UTP20: variants seen among roughly 807,000 people sequenced by gnomAD.
UTP20 encodes the protein small subunit processome component 20 homolog.
A neutral mutation model predicts 329.5 loss-of-function variants in UTP20; 164 were observed. That is an observed-to-expected ratio of 0.50 (90% CI 0.44 to 0.57). The LOEUF (loss-of-function observed/expected upper bound fraction) is 0.57. Among genes scored for constraint, UTP20 ranks in the 20% least tolerant of loss-of-function variants. The pLI is 0.00. For synonymous variants in UTP20, 1,151 were observed against 1,159.3 expected (o/e 0.99, Z 0.14); for missense variants, 3,055 against 3,284.2 (o/e 0.93, Z 1.71).
chr12:101,323,450 G>A (rs952053858), intron 25 of UTP20, among the ~76,000 whole-genome samples: 1 of 152,114 alleles, frequency 6.6e-6, no homozygotes, highest in African/African-American at 2.4e-5. Context: ...CCAGCAGTAG[G>A]ATGCCTGTTT....
At position 101,350,729 on chromosome 12, in the gene UTP20, T is replaced by G. The variant is rs576860073; in HGVS notation, c.4885-1326T>G. 2.6e-5 allele frequency among the ~76,000 whole-genome samples: 4 copies of G among 152,310 alleles called. No homozygotes were observed. In the South Asian group the frequency reaches 8.3e-4, roughly 32 times the overall value. ...GCATGAGGCATTTCACTCTGGCTGA[T>G]AGGACTGTGAACTAGCCTCAACCTT... is the stretch of plus-strand genomic sequence containing the variant. On this transcript the variant is annotated intron_variant, in intron 38 of 61. Coordinates refer to ENST00000261637, the MANE Select transcript of UTP20 (RefSeq NM_014503.3).
At position 101,382,588 on chromosome 12, in the gene UTP20, C is replaced by A. The variant is rs148309138; in HGVS notation, c.7657-453C>A. Among the ~76,000 whole-genome samples, 33 of 152,170 alleles carry A rather than the reference C, an allele frequency of 2.2e-4. No homozygotes were observed. In the East Asian group the frequency reaches 6.2e-3, roughly 29 times the overall value. ...ATGATCTAGGCCAGGCACGGTGGCT[C>A]ACACCTGTAATCGCATCACTTTGGG... On this transcript the variant is annotated intron_variant, in intron 58 of 61. Coordinates refer to ENST00000261637, the MANE Select transcript of UTP20 (RefSeq NM_014503.3).
intron 56 of UTP20, 47 bp from the exon 57 acceptor site, chr12:101,379,324 A>T: frequency 6.7e-7 from 1 of 1,500,074 alleles, no homozygotes; most frequent in East Asian, 2.3e-5. Flanking sequence ...TTTACCTCTA[A>T]TCAGGAAGGC....
intron 28 of UTP20, among the ~76,000 whole-genome samples, 180 bp downstream of exon 28, chr12:101,333,624 A>T (rs1427142060): frequency 4.6e-5 from 7 of 152,202 alleles, no homozygotes; most frequent in Non-Finnish European, 1.0e-4. Context: ...CTAAAACTCA[A>T]GAGTTAGTTT....
chr12:101,312,016 G>T lies in UTP20; in HGVS notation c.2312-20G>T. On this transcript the variant is annotated intron_variant, in intron 20 of 61. Transcript: ENST00000261637. Reference sequence around the variant, plus strand: ...ATGTTGATATTTGTCTGGTGGTTATGACAACTTTCTTTCTTGCAGAGAAGG... The same window carrying T: ...ATGTTGATATTTGTCTGGTGGTTATTACAACTTTCTTTCTTGCAGAGAAGG... 6.2e-7 allele frequency: 1 copy of T among 1,613,750 alleles called. No individual in the cohort carries two copies. Among genetic ancestry groups the T allele is most frequent in the South Asian group, 1.1e-5 (1 of 90,996 alleles).
At chr12:101,333,856 G>GT (rs1254076512) in intron 28 of UTP20, among the ~76,000 whole-genome samples, 2 of 152,198 alleles carry the variant, frequency 1.3e-5, no homozygotes, top group East Asian at 3.9e-4. Flanking sequence ...TAGAGATGGA[G>GT]TTTCGCCATG....
At chr12:101,384,150 T>C (rs1870750780) in intron 60 of UTP20, among the ~76,000 whole-genome samples, 1 of 152,192 alleles carries the variant, frequency 6.6e-6, no homozygotes, top group African/African-American at 2.4e-5. Flanking sequence ...ATCCTCAACA[T>C]AGATTAAATA....
intron 2 of UTP20, among the ~76,000 whole-genome samples, chr12:101,283,552 G>A (rs1336460980): frequency 6.6e-6 from 1 of 152,186 alleles, no homozygotes; most frequent in Non-Finnish European, 1.5e-5. Flanking sequence ...GCAAAAGGAC[G>A]TGACATGGTC....
In UTP20 at chr12:101,340,578, C is replaced by T. The variant is rs1325262697; in HGVS notation, c.4069C>T (p.Leu1357Phe). ...EQSSVLITLL[L>F]PFLHRGNIAE... is the part of the protein sequence containing the mutation. The stretch of plus-strand genomic sequence containing the variant: ...AAGTTCTGTACTCATTACGCTTCTC[C>T]TTCCATTCCTCCACCGTGGCAATAT... Residue 1357 changes from leucine to phenylalanine, a missense_variant, in exon 32 of 62, where the codon CTT becomes TTT. By Grantham distance (22) the Leu-to-Phe change is conservative (BLOSUM62 0). Transcript: ENST00000261637. The T allele has an allele frequency of 6.2e-7, 1 of 1,611,910 alleles. No homozygotes were observed. Among genetic ancestry groups the T allele is most frequent in the Non-Finnish European group, 8.5e-7 (1 of 1,179,112 alleles).
At chr12:101,378,012 A>G (rs757475939) in intron 56 of UTP20, among the ~76,000 whole-genome samples, 30 of 151,946 alleles carry the variant, frequency 2.0e-4, no homozygotes, top group Non-Finnish European at 3.4e-4. Flanking sequence ...GCTTAAGCTC[A>G]GGAGTTCGAG....
chr12:101,345,637 A>C lies in UTP20; in HGVS notation c.4689A>C (p.Gln1563His). Residue 1563 changes from glutamine (Q) to histidine (H), a missense_variant, in exon 37 of 62, where the codon CAA becomes CAC. Physicochemically the swap from Gln to His is conservative, Grantham distance 24. Around this residue, in one of 3 missense-constraint regions of UTP20, gnomAD observed 2,445 missense variants for 2,575.5 expected, o/e 0.95. Transcript: ENST00000261637. ...PNQLEFKDLV[Q>H]LTHYHDPEMD... ...AACTGGAATTCAAAGACTTGGTACA[A>C]CTTACTCATTACCATGACCCAGAAA... is the stretch of plus-strand genomic sequence containing the variant. 2 of 1,613,264 alleles carry C rather than the reference A, an allele frequency of 1.2e-6. No homozygotes were observed. The highest frequency in any genetic ancestry group is 1.7e-6 in the Non-Finnish European group (2 of 1,179,628).
At chr12:101,297,764 G>T (rs1872404929) in intron 12 of UTP20, among the ~76,000 whole-genome samples, 1 of 152,196 alleles carries the variant, frequency 6.6e-6, no homozygotes, top group African/African-American at 2.4e-5. Flanking sequence ...GAGTGAAGCT[G>T]CTTTGTTGTT....
chr12:101,321,720 A>G, intron 25 of UTP20, 91 bp downstream of exon 25: 1 of 1,440,262 alleles, frequency 6.9e-7, no homozygotes, highest in Non-Finnish European at 9.3e-7. Context: ...CAACTGTAAT[A>G]GAATATTTCA....
rs1367651709 is a variant in UTP20, at chr12:101,386,196, G to A, written c.*73G>A. The A allele has an allele frequency of 4.8e-6, 7 of 1,459,568 alleles. No homozygotes were observed. The African/African-American group carries it at 1.0e-4, about 21-fold the overall frequency. The allele number at this position is 1,459,568 out of a possible 1,614,324, so 90.4% of individuals were successfully genotyped here. A position where few individuals can be genotyped will look rare whatever the true frequency, so the allele number is the denominator to read the frequency against. On this transcript the variant is annotated 3_prime_UTR_variant, in exon 62 of 62. Coordinates refer to ENST00000261637, the MANE Select transcript of UTP20 (RefSeq NM_014503.3). ...AGTCTGAAATTACAGTAGGTTGTCT[G>A]GGGTAGGGGGGAGGCGTTTTTTTTT...
intron 17 of UTP20, 113 bp downstream of exon 17, chr12:101,306,874 G>T: frequency 8.9e-7 from 1 of 1,123,848 alleles, no homozygotes; most frequent in Non-Finnish European, 1.2e-6. Flanking sequence ...AATATCTGTC[G>T]TAAAAATTGA....
chr12:101,317,412 GAA>G, intron 21 of UTP20, 64 bp from the exon 22 acceptor site: 2 of 1,547,604 alleles, frequency 1.3e-6, no homozygotes, highest in Non-Finnish European at 1.8e-6. Context: ...CTCATGAACA[GAA>G]TCAGCACCTT....
In UTP20 at chr12:101,312,256, G is replaced by T. The variant is rs768715409; in HGVS notation, c.2532G>T (p.Pro844=). ...AGCCACGGTCCAGGGAGCTTTCCCC[G>T]CTTTTCTTGAGATTTATCAAGTAAG... ...RVEPRSRELS[P]LFLRFINNEY... The change falls in exon 21 of 62, where the codon CCG becomes CCT. Residue 844 remains proline (P), a synonymous_variant. Coordinates refer to ENST00000261637, the MANE Select transcript of UTP20 (RefSeq NM_014503.3). 1.9e-6 allele frequency: 3 copies of T among 1,613,866 alleles called. No homozygotes were observed. Among genetic ancestry groups the T allele is most frequent in the Admixed American group, 3.3e-5 (2 of 59,956 alleles).
rs770923470 is a variant in UTP20 at position 101,290,216 on chromosome 12, A to G, written c.677A>G (p.Gln226Arg). 15 of 1,608,758 alleles carry G rather than the reference A, an allele frequency of 9.3e-6. No individual in the cohort carries two copies. Among genetic ancestry groups the G allele is most frequent in the Non-Finnish European group, 1.3e-5 (15 of 1,177,422 alleles). The change falls in exon 7 of 62, where the codon CAG becomes CGG. Residue 226 changes from glutamine (Q) to arginine (R), a missense_variant. By Grantham distance (43) the Gln-to-Arg change is conservative (BLOSUM62 1). Coordinates refer to ENST00000261637, the MANE Select transcript of UTP20 (RefSeq NM_014503.3). The part of the protein sequence containing the change: ...KHPEKVEGVG[Q>R]LLFEMCKGVR... Reference sequence around the variant, plus strand: ...CCAGAAAAAGTTGAAGGTGTTGGACAGTTGCTCTTTGAAATGTGCAAAGGA... The same window carrying G: ...CCAGAAAAAGTTGAAGGTGTTGGACGGTTGCTCTTTGAAATGTGCAAAGGA...
At position 101,306,020 on chromosome 12, in the gene UTP20, A is replaced by G; in HGVS notation, c.1887A>G (p.Glu629=). 1 of 1,613,710 alleles carries G rather than the reference A, an allele frequency of 6.2e-7. No homozygotes were observed. Among genetic ancestry groups the G allele is most frequent in the South Asian group, 1.1e-5 (1 of 91,002 alleles). Residue 629 remains glutamate, a synonymous_variant, in exon 16 of 62, where the codon GAA becomes GAG. Coordinates refer to ENST00000261637, the MANE Select transcript of UTP20 (RefSeq NM_014503.3). ...CACTTTCCCAGGAGGCTTTAATGGA[A>G]TTATTTCCCAAGTTACAAGCAAACA... The part of the protein sequence containing the change: ...KGPLSQEALM[E]LFPKLQANIS...
Sources: allele counts gnomAD v4.1 joint callset (sites outside exome capture counted in the v4.1 genomes callset), GRCh38; gene constraint gnomAD v4.1.1; regional missense constraint gnomAD v4.1.1; transcripts MANE v1.5; gene names NCBI Gene and HGNC (gene_info 2026-07-23, HGNC 2026-07-21).